MTAP: variants seen among roughly 807,000 people sequenced by gnomAD.
MTAP encodes the protein S-methyl-5'-thioadenosine phosphorylase.
Under a neutral mutation model 33.6 loss-of-function variants are expected in MTAP, and 33 were observed. The observed-to-expected ratio is 0.98, with a 90% CI of 0.74 to 1.31. MTAP has a LOEUF of 1.31. MTAP is among the 40% of genes most tolerant of loss of function. MTAP has a pLI of 0.00. For missense variants in MTAP, 367 were observed against 360.0 expected (o/e 1.02, Z -0.16); for synonymous variants, 148 against 125.7 (o/e 1.18, Z -1.19).
intron 4 of MTAP, among the ~76,000 whole-genome samples, chr9:21,825,451 T>C (rs1824768955): frequency 6.6e-6 from 1 of 152,236 alleles, no homozygotes. Context: ...ATTTTAGTAA[T>C]GGCTGTATTA....
In MTAP at chr9:21,865,783, C is replaced by T; in HGVS notation, c.*3769C>T. The T allele has an allele frequency of 9.7e-7, 1 of 1,031,324 alleles. No individual in the cohort carries two copies. The highest frequency in any genetic ancestry group is 1.2e-6 in the Non-Finnish European group (1 of 853,478). The allele number at this position is 1,031,324 out of a possible 1,614,324, so 63.9% of individuals were successfully genotyped here. ...AATTTCTTCAGAAAGACAATCTCGG[C>T]ATGCATTATTTCTTTGTTTTGAAGA... On this transcript the variant is annotated 3_prime_UTR_variant, in exon 8 of 8. Transcript: ENST00000644715.
At chr9:21,872,627 G>T (rs548721058) in intron 1 of MTAP, among the ~76,000 whole-genome samples, 29 of 152,104 alleles carry the variant, frequency 1.9e-4, no homozygotes, top group Middle Eastern at 3.4e-3. Flanking sequence ...TTTCCCTTTT[G>T]CATAGTATCT....
chr9:21,802,881 T>A, intron 1 of MTAP, 100 bp downstream of exon 1: 8 of 1,512,054 alleles, frequency 5.3e-6, no homozygotes, highest in Non-Finnish European at 7.1e-6. Context: ...GCCCGGCCCG[T>A]GCGTCCCTTG....
chr9:21,838,153 A>G, intron 5 of MTAP, 143 bp downstream of exon 5: 3 of 633,360 alleles, frequency 4.7e-6, no homozygotes, highest in Admixed American at 2.9e-5. Flanking sequence ...ATGAAGAGTT[A>G]TTTCCTGTTG....
chr9:21,896,970 C>A (rs1392881903), intron 1 of MTAP, among the ~76,000 whole-genome samples: 2 of 152,062 alleles, frequency 1.3e-5, no homozygotes, highest in Non-Finnish European at 1.5e-5. Context: ...ACATCGATGC[C>A]AAAATCCTCA....
chr9:21,893,483 T>C (rs535579802), intron 1 of MTAP: 2 of 151,760 alleles, frequency 1.3e-5, no homozygotes, highest in East Asian at 3.9e-4. Context: ...TCTGAAAAAA[T>C]AAATAAGATT....
At chr9:21,925,022 T>C (rs554055981) in intron 1 of MTAP, among the ~76,000 whole-genome samples, 14 of 152,172 alleles carry the variant, frequency 9.2e-5, no homozygotes, top group Non-Finnish European at 1.6e-4. Context: ...GCAAATGCAA[T>C]ACACATGACT....
intron 1 of MTAP, among the ~76,000 whole-genome samples, chr9:21,809,991 C>T (rs534136928): frequency 2.1e-4 from 32 of 152,236 alleles, no homozygotes; most frequent in Non-Finnish European, 4.1e-4. Context: ...CTGTACTTCT[C>T]AAGGGGCATT....
At chr9:21,924,724 C>A (rs1258213344) in intron 1 of MTAP, among the ~76,000 whole-genome samples, 1 of 151,754 alleles carries the variant, frequency 6.6e-6, no homozygotes, top group African/African-American at 2.4e-5. Context: ...GGCCCTGGAG[C>A]CTTCCCTTCC....
intron 1 of MTAP, among the ~76,000 whole-genome samples, chr9:21,908,891 C>T (rs1818518639): frequency 1.3e-5 from 2 of 151,864 alleles, no homozygotes; most frequent in South Asian, 2.1e-4. Flanking sequence ...ATGGAAGTCT[C>T]ATCTCTTTAT....
chr9:21,904,397 T>A (rs1209396085), intron 1 of MTAP, among the ~76,000 whole-genome samples: 1 of 152,134 alleles, frequency 6.6e-6, no homozygotes, highest in Admixed American at 6.5e-5. Context: ...GACCACGACC[T>A]CCTCCTCTAC....
chr9:21,881,925 A>G (rs1425325792), intron 1 of MTAP, among the ~76,000 whole-genome samples: 1 of 152,022 alleles, frequency 6.6e-6, no homozygotes, highest in Admixed American at 6.6e-5. Flanking sequence ...TTGCACACCC[A>G]TATTCATAGC....
At chr9:21,910,380 G>A (rs1409992886) in intron 1 of MTAP, among the ~76,000 whole-genome samples, 1 of 152,146 alleles carries the variant, frequency 6.6e-6, no homozygotes, top group Non-Finnish European at 1.5e-5. Flanking sequence ...AATAAAACTA[G>A]TGTAGGTAAG....
chr9:21,900,103 T>C (rs949171348), intron 1 of MTAP, among the ~76,000 whole-genome samples: 3 of 152,158 alleles, frequency 2.0e-5, no homozygotes, highest in Non-Finnish European at 1.5e-5. Flanking sequence ...GAAATACCAT[T>C]CTAGACATAG....
chr9:21,840,569 G>T (rs1825218677), intron 5 of MTAP, among the ~76,000 whole-genome samples: 1 of 152,206 alleles, frequency 6.6e-6, no homozygotes, highest in Non-Finnish European at 1.5e-5. Flanking sequence ...AGTAGAAGTA[G>T]CAACAGGAAG....
intron 1 of MTAP, among the ~76,000 whole-genome samples, chr9:21,915,002 T>TCTTTCCTTCCTC (rs1818654127): frequency 2.7e-4 from 5 of 18,214 alleles, no homozygotes; most frequent in African/African-American, 7.3e-4. Flanking sequence ...TTGTTTTCTT[T>TCTTTCCTTCCTC]CCTTCCTTCC....
At chr9:21,829,310 T>C (rs1319288051) in intron 4 of MTAP, among the ~76,000 whole-genome samples, 1 of 152,264 alleles carries the variant, frequency 6.6e-6, no homozygotes, top group East Asian at 1.9e-4. Context: ...GGAGGTTTCA[T>C]CTTGACTCTG....
chr9:21,824,517 G>C (rs1023387307), intron 4 of MTAP, among the ~76,000 whole-genome samples: 1 of 152,216 alleles, frequency 6.6e-6, no homozygotes, highest in Non-Finnish European at 1.5e-5. Context: ...CCCTACTGGG[G>C]GGTGCCTCAC....
chr9:21,887,345 A>C (rs576609008), intron 1 of MTAP, among the ~76,000 whole-genome samples: 1 of 151,418 alleles, frequency 6.6e-6, no homozygotes, highest in East Asian at 2.0e-4. Flanking sequence ...CCCACCTATG[A>C]GTGAGAACAT....
Sources: gnomAD v4.1 joint callset for allele counts (sites outside exome capture counted in the v4.1 genomes callset) on GRCh38, gnomAD v4.1.1 for gene constraint, MANE v1.5 for transcripts, NCBI Gene and HGNC (gene_info 2026-07-23, HGNC 2026-07-21) for gene names.